The following FNIP2 variants were observed in gnomAD, a reference collection of about 807,000 sequenced individuals.
FNIP2 encodes folliculin interacting protein 2, also known as folliculin-interacting protein 2.
In FNIP2, 32 loss-of-function variants were observed where a neutral mutation model predicts 108.7. The ratio of observed to expected loss-of-function variants is 0.29; its 90% CI spans 0.22 to 0.40. The LOEUF (loss-of-function observed/expected upper bound fraction) is 0.40. Ranked by LOEUF, FNIP2 falls within the 10% of genes least tolerant of loss-of-function variation. FNIP2 has a pLI of 1.00. For missense variants in FNIP2, 1,202 were observed against 1,381.6 expected (o/e 0.87, Z 2.06); for synonymous variants, 480 against 496.7 (o/e 0.97, Z 0.45).
At chr4:158,896,237 TGGAGGA>T (rs1051211270) in intron 16 of FNIP2, among the ~76,000 whole-genome samples, 1 of 152,150 alleles carries the variant, frequency 6.6e-6, no homozygotes, top group African/African-American at 2.4e-5. Flanking sequence ...TTTCACTTCC[TGGAGGA>T]GGAGTAGGTT....
intron 16 of FNIP2, among the ~76,000 whole-genome samples, chr4:158,898,845 G>A (rs574534524): frequency 1.3e-5 from 2 of 152,214 alleles, no homozygotes; most frequent in East Asian, 1.9e-4. Context: ...TTGCATGATT[G>A]TCCTGGCCAG....
At chr4:158,781,299 A>G (rs1013226720) in intron 1 of FNIP2, among the ~76,000 whole-genome samples, 1 of 152,220 alleles carries the variant, frequency 6.6e-6, no homozygotes, top group South Asian at 2.1e-4. Flanking sequence ...TTTTTACCTT[A>G]GAGGTGTTCC....
At chr4:158,781,556 C>T (rs574504020) in intron 1 of FNIP2, among the ~76,000 whole-genome samples, 22 of 152,158 alleles carry the variant, frequency 1.4e-4, no homozygotes, top group African/African-American at 5.1e-4. Flanking sequence ...ACTCTGTCGC[C>T]CAGGCTGGAG....
rs145158966 is a variant in FNIP2 at position 158,797,966 on chromosome 4, A to T, written c.108-27950A>T. 7.8e-4 allele frequency among the ~76,000 whole-genome samples: 119 copies of T among 152,300 alleles called. 1 individual carries two copies. In the East Asian group the frequency reaches 0.02, roughly 26 times the overall value. ...ACATCTGCTTTGAGACTGTTGGCAC[A>T]CTAATTTCATTTTCCTCTTTATCCT... On this transcript the variant is annotated intron_variant, in intron 1 of 16. Coordinates refer to ENST00000264433, the MANE Select transcript of FNIP2 (RefSeq NM_020840.3).
In FNIP2 at chr4:158,895,344, T is replaced by C. The variant is rs149543394; in HGVS notation, c.3151-406T>C. Among the ~76,000 whole-genome samples the C allele has an allele frequency of 2.6e-4, 39 of 152,310 alleles. No individual in the cohort carries two copies. In the East Asian group the frequency reaches 3.7e-3, roughly 14 times the overall value. ...TTTACTAAATTATTTATAACAAAAA[T>C]GCAATTTGCTATGTGGTTACGTGTA... On this transcript the variant is annotated intron_variant, in intron 15 of 16. Transcript: ENST00000264433.
chr4:158,902,410 A>T (rs1163988791), intron 16 of FNIP2, among the ~76,000 whole-genome samples: 2 of 152,124 alleles, frequency 1.3e-5, no homozygotes, highest in African/African-American at 2.4e-5. Context: ...CTCCTGTATG[A>T]GGTTCTGTCG....
chr4:158,804,216 A>G (rs1776859164), intron 1 of FNIP2, among the ~76,000 whole-genome samples: 1 of 152,168 alleles, frequency 6.6e-6, no homozygotes, highest in Non-Finnish European at 1.5e-5. Flanking sequence ...TGCTGGGATT[A>G]TAGGTGGGAG....
intron 8 of FNIP2, 104 bp downstream of exon 8, chr4:158,851,554 A>G: frequency 7.1e-7 from 1 of 1,400,270 alleles, no homozygotes; most frequent in Non-Finnish European, 9.7e-7. Flanking sequence ...AAAAAAACCA[A>G]AACTTTTTTA....
In FNIP2 at chr4:158,826,445, T is replaced by C. The variant is rs139069180; in HGVS notation, c.234+403T>C. On this transcript the variant is annotated intron_variant, in intron 2 of 16. Transcript: ENST00000264433. ...AGATCATTCTGTCCAGTGTTTCTCA[T>C]GGATAATAATAAGTAGCACTGGGTT... Among the ~76,000 whole-genome samples the C allele has an allele frequency of 3.9e-5, 6 of 152,368 alleles. No homozygotes were observed. The East Asian group carries it at 7.7e-4, about 20-fold the overall frequency.
intron 7 of FNIP2, among the ~76,000 whole-genome samples, chr4:158,837,189 G>A (rs574655525): frequency 1.3e-5 from 2 of 152,304 alleles, no homozygotes; most frequent in Admixed American, 6.5e-5. Context: ...GTCGCAGAGT[G>A]GGAAGCACAG....
chr4:158,832,208 T>A (rs1369186765), intron 5 of FNIP2, 70 bp downstream of exon 5: 1 of 1,183,968 alleles, frequency 8.4e-7, no homozygotes, highest in East Asian at 2.4e-5. Context: ...ACTAATTCTT[T>A]AAGGGCCATA....
chr4:158,871,092 T>C (rs1780920182), intron 14 of FNIP2, among the ~76,000 whole-genome samples: 1 of 152,248 alleles, frequency 6.6e-6, no homozygotes, highest in Non-Finnish European at 1.5e-5. Flanking sequence ...TAATTTATTT[T>C]AACTGATTTG....
intron 1 of FNIP2, among the ~76,000 whole-genome samples, chr4:158,778,420 C>T (rs900465431): frequency 6.6e-6 from 1 of 152,168 alleles, no homozygotes; most frequent in Non-Finnish European, 1.5e-5. Context: ...CAGAAATAAA[C>T]AATTCCTAAG....
rs116976422 is a variant in FNIP2, at chr4:158,864,365, T to C, written c.1465+2589T>C. Among the ~76,000 whole-genome samples, 145 of 152,114 alleles carry C rather than the reference T, an allele frequency of 9.5e-4. 2 individuals are homozygous for C. In the East Asian group the frequency reaches 0.025, roughly 26 times the overall value. On this transcript the variant is annotated intron_variant, in intron 12 of 16. Transcript: ENST00000264433. ...TTAAATAACCCACAAGCCAAACAAATTGCACAAAAGAAATTAGAAAACATT... is the reference window on the plus strand; with the variant it reads ...TTAAATAACCCACAAGCCAAACAAACTGCACAAAAGAAATTAGAAAACATT...
intron 7 of FNIP2, among the ~76,000 whole-genome samples, chr4:158,842,800 G>A (rs936941748): frequency 6.6e-6 from 1 of 151,914 alleles, no homozygotes; most frequent in Non-Finnish European, 1.5e-5. Context: ...TTATTAAAGG[G>A]CCTTTATAGG....
intron 15 of FNIP2, among the ~76,000 whole-genome samples, chr4:158,895,439 TTA>T (rs1782585706): frequency 6.6e-6 from 1 of 152,244 alleles, no homozygotes; most frequent in African/African-American, 2.4e-5. Context: ...GAAAGGATTA[TTA>T]TAAAGTTTTT....
At chr4:158,823,738 A>G (rs1778010878) in intron 1 of FNIP2, among the ~76,000 whole-genome samples, 1 of 152,170 alleles carries the variant, frequency 6.6e-6, no homozygotes, top group Non-Finnish European at 1.5e-5. Context: ...CCCTTACTTC[A>G]TGATGGCAAA....
intron 1 of FNIP2, among the ~76,000 whole-genome samples, chr4:158,825,049 A>G (rs1184480033): frequency 6.6e-6 from 1 of 152,034 alleles, no homozygotes; most frequent in African/African-American, 2.4e-5. Flanking sequence ...TGAATCATGA[A>G]CTCCATAAGG....
chr4:158,806,057 C>T (rs772250127), intron 1 of FNIP2: 96 of 872,114 alleles, frequency 1.1e-4, no homozygotes, highest in Non-Finnish European at 1.3e-4. Context: ...TTTTTTTAAA[C>T]CTTTGAAAGG....
Sources: gnomAD v4.1 joint callset for allele counts (sites outside exome capture counted in the v4.1 genomes callset) on GRCh38, gnomAD v4.1.1 for gene constraint, MANE v1.5 for transcripts, NCBI Gene and HGNC (gene_info 2026-07-23, HGNC 2026-07-21) for gene names.